The following TMEM117 variants were observed in gnomAD, a reference collection of about 807,000 sequenced individuals.
TMEM117 encodes the protein transmembrane protein 117.
TMEM117 carries 27 observed loss-of-function variants against 52.4 expected under a neutral mutation model. The observed-to-expected ratio is 0.51, with a 90% CI of 0.38 to 0.71. TMEM117 has a LOEUF of 0.71. Ranked by LOEUF, TMEM117 falls within the 30% of genes least tolerant of loss-of-function variation. The probability of loss-of-function intolerance (pLI) is 0.00; values close to 1 mark genes in which losing one functional copy is unlikely to be tolerated. For synonymous variants in TMEM117, 215 were observed against 206.3 expected (o/e 1.04, Z -0.36); for missense variants, 556 against 630.5 (o/e 0.88, Z 1.26).
intron 3 of TMEM117, among the ~76,000 whole-genome samples, chr12:44,025,869 A>C (rs1209244059): frequency 6.6e-6 from 1 of 152,094 alleles, no homozygotes; most frequent in East Asian, 1.9e-4. Context: ...AGAATTTATG[A>C]ATTTCTGGTA....
At chr12:44,075,049 C>T (rs1193979224) in intron 3 of TMEM117, among the ~76,000 whole-genome samples, 1 of 152,174 alleles carries the variant, frequency 6.6e-6, no homozygotes, top group Non-Finnish European at 1.5e-5. Flanking sequence ...TATGAAGAAG[C>T]CCTGTGCTTT....
At chr12:44,267,648 A>T (rs1326922994) in intron 5 of TMEM117, among the ~76,000 whole-genome samples, 1 of 152,150 alleles carries the variant, frequency 6.6e-6, no homozygotes, top group Non-Finnish European at 1.5e-5. Context: ...TGTATAACCA[A>T]AGTTTATACC....
the TMEM117 span, among the ~76,000 whole-genome samples, chr12:43,819,690 C>A: frequency 6.6e-6 from 1 of 152,092 alleles, no homozygotes; most frequent in East Asian, 1.9e-4. Context: ...GCAGGAGAAT[C>A]GCATGAACCC....
intron 6 of TMEM117, among the ~76,000 whole-genome samples, chr12:44,326,731 A>C (rs112987465): frequency 1.3e-5 from 2 of 152,322 alleles, no homozygotes; most frequent in African/African-American, 4.8e-5. Flanking sequence ...TAAAACATTC[A>C]ATGTCCTATG....
intron 5 of TMEM117, among the ~76,000 whole-genome samples, chr12:44,220,597 T>C (rs2138423904): frequency 6.6e-6 from 1 of 152,238 alleles, no homozygotes; most frequent in East Asian, 1.9e-4. Context: ...GCACACCCCC[T>C]ACCCAGATCT....
the TMEM117 span, chr12:43,798,487 T>TA: frequency 3.2e-5 from 45 of 1,406,076 alleles, no homozygotes; most frequent in Non-Finnish European, 4.0e-5. Flanking sequence ...ATTTTACTTT[T>TA]AAAAAAATGA....
chr12:43,833,444 C>T (rs1330157146), upstream of TMEM117, among the ~76,000 whole-genome samples: 1 of 152,154 alleles, frequency 6.6e-6, no homozygotes, highest in East Asian at 1.9e-4. Flanking sequence ...AAAGTGCCTC[C>T]TCTTTTCCTT....
At chr12:44,125,127 C>T (rs569890846) in intron 3 of TMEM117, among the ~76,000 whole-genome samples, 46 of 151,748 alleles carry the variant, frequency 3.0e-4, no homozygotes, top group African/African-American at 1.0e-3. Context: ...TTTTTTGAGA[C>T]GGAGTCTTGC....
At chr12:43,975,915 A>G (rs1441802476) in intron 3 of TMEM117, among the ~76,000 whole-genome samples, 1 of 152,172 alleles carries the variant, frequency 6.6e-6, no homozygotes. Context: ...ATGACCCTCC[A>G]CAGTATCTAG....
At chr12:44,075,782 T>G (rs1947372961) in intron 3 of TMEM117, among the ~76,000 whole-genome samples, 1 of 152,184 alleles carries the variant, frequency 6.6e-6, no homozygotes, top group Admixed American at 6.5e-5. Context: ...TATAGTACTC[T>G]TTTACATGAG....
chr12:44,026,264 C>T (rs1414622562), intron 3 of TMEM117, among the ~76,000 whole-genome samples: 1 of 152,138 alleles, frequency 6.6e-6, no homozygotes, highest in Non-Finnish European at 1.5e-5. Flanking sequence ...ATTCCATAGG[C>T]TGTTCTGATT....
chr12:43,917,774 T>C (rs1394774940), intron 2 of TMEM117, among the ~76,000 whole-genome samples: 3 of 152,140 alleles, frequency 2.0e-5, no homozygotes, highest in Admixed American at 6.6e-5. Context: ...AAGGCAAACA[T>C]TTTTATGAGG....
chr12:44,126,719 C>T (rs1416924997), intron 3 of TMEM117, among the ~76,000 whole-genome samples: 1 of 152,186 alleles, frequency 6.6e-6, no homozygotes, highest in African/African-American at 2.4e-5. Context: ...GGTAAAAACA[C>T]CCAACATAAA....
intron 3 of TMEM117, among the ~76,000 whole-genome samples, chr12:44,142,605 C>T (rs887165746): frequency 2.7e-4 from 41 of 151,806 alleles, no homozygotes; most frequent in African/African-American, 9.0e-4. Context: ...TTAAGTTTTA[C>T]CAATACTCTA....
intron 2 of TMEM117, among the ~76,000 whole-genome samples, chr12:43,904,123 A>G (rs114909220): frequency 3.5e-4 from 53 of 152,358 alleles, no homozygotes; most frequent in African/African-American, 1.2e-3. Context: ...ACATGTTCAC[A>G]AATTAAAAAG....
At chr12:43,842,698 G>C (rs1038146779) in intron 1 of TMEM117, among the ~76,000 whole-genome samples, 4 of 151,382 alleles carry the variant, frequency 2.6e-5, no homozygotes, top group African/African-American at 9.8e-5. Flanking sequence ...CAAGTGTTCA[G>C]GGTTTATAAA....
At chr12:43,989,003 G>A (rs73286225) in intron 3 of TMEM117, among the ~76,000 whole-genome samples, 6,375 of 152,026 alleles carry the variant, frequency 0.042, 259 homozygotes, top group African/African-American at 0.1. Context: ...GTTTTCAAAA[G>A]GATTCAAAAA....
chr12:44,241,605 C>G (rs749647607), intron 5 of TMEM117, among the ~76,000 whole-genome samples: 1 of 151,790 alleles, frequency 6.6e-6, no homozygotes. Context: ...AAAACATTTT[C>G]TCTTTGGTTT....
chr12:43,823,923 T>C, the TMEM117 span, among the ~76,000 whole-genome samples: 1 of 152,216 alleles, frequency 6.6e-6, no homozygotes, highest in Non-Finnish European at 1.5e-5. Flanking sequence ...ATAAGAAACA[T>C]TTGTGCCAGC....
Sources: gnomAD v4.1 joint callset for allele counts (sites outside exome capture counted in the v4.1 genomes callset) on GRCh38, gnomAD v4.1.1 for gene constraint, MANE v1.5 for transcripts, NCBI Gene and HGNC (gene_info 2026-07-23, HGNC 2026-07-21) for gene names.